Variants in CEP85L observed in about 807,000 individuals in gnomAD.
CEP85L encodes the protein centrosomal protein 85L, also known as centrosomal protein of 85 kDa-like.
A neutral mutation model predicts 100.3 loss-of-function variants in CEP85L; 60 were observed. The observed-to-expected ratio is 0.60, with a 90% confidence interval of 0.49 to 0.74. The LOEUF (loss-of-function observed/expected upper bound fraction) is 0.74. CEP85L is among the 30% of genes least tolerant of loss of function. CEP85L has a pLI of 0.00. For synonymous variants in CEP85L, 319 were observed against 322.7 expected (o/e 0.99, Z 0.12); for missense variants, 973 against 936.2 (o/e 1.04, Z -0.51).
In CEP85L at chr6:118,569,307, A is replaced by T. The variant is rs577899294; in HGVS notation, c.233-2991T>A. ...CAGTAAGCAGAGATTGTGCCACTGT[A>T]CTCCAGCCTGGGTGACAAGGCTAGA... On this transcript the variant is annotated intron_variant, in intron 2 of 12. Transcript: ENST00000368491. Among the ~76,000 whole-genome samples the T allele has an allele frequency of 5.1e-4, 66 of 128,406 alleles. 2 individuals are homozygous for T. The South Asian group carries it at 0.016, about 32-fold the overall frequency. 84.2% of individuals were successfully genotyped at this position (128,406 alleles called of 152,430 possible).
intron 5 of CEP85L, among the ~76,000 whole-genome samples, chr6:118,504,678 A>G (rs1775530158): frequency 6.6e-6 from 1 of 152,158 alleles, no homozygotes; most frequent in African/African-American, 2.4e-5. Flanking sequence ...AGTTATGTGA[A>G]CTCTGATTTA....
intron 1 of CEP85L, among the ~76,000 whole-genome samples, chr6:118,704,622 C>T (rs907050290): frequency 5.3e-5 from 8 of 152,164 alleles, no homozygotes; most frequent in African/African-American, 1.9e-4. Context: ...AGGCACCCGC[C>T]ACCATGCCCG....
At chr6:118,594,991 A>C (rs1293222888) in intron 2 of CEP85L, among the ~76,000 whole-genome samples, 1 of 151,994 alleles carries the variant, frequency 6.6e-6, no homozygotes. Flanking sequence ...GAAGGTTACG[A>C]GCCAAGCCTA....
chr6:118,653,749 A>ATGTGTG (rs61103713), upstream of CEP85L, among the ~76,000 whole-genome samples: 1,791 of 148,252 alleles, frequency 0.012, 48 homozygotes, highest in African/African-American at 0.04. Flanking sequence ...GACTCTGTGT[A>ATGTGTG]TGTGTGTGTG....
At chr6:118,708,203 C>T (rs1300752324) in intron 1 of CEP85L, among the ~76,000 whole-genome samples, 3 of 152,178 alleles carry the variant, frequency 2.0e-5, no homozygotes, top group South Asian at 2.1e-4. Flanking sequence ...AGGCACAGGC[C>T]CTGCCCTTAA....
At chr6:118,653,904 T>C (rs1335877906), upstream of CEP85L, among the ~76,000 whole-genome samples, 1 of 152,190 alleles carries the variant, frequency 6.6e-6, no homozygotes, top group Non-Finnish European at 1.5e-5. Context: ...CAAACTATAT[T>C]AAACTATTTG....
chr6:118,480,345 C>T (rs377744856), intron 9 of CEP85L, 51 bp downstream of exon 9: 16 of 941,076 alleles, frequency 1.7e-5, no homozygotes, highest in Non-Finnish European at 2.5e-5. Context: ...TCTATACACA[C>T]ATATCCACAT....
chr6:118,575,602 G>T (rs1348027131), intron 2 of CEP85L, among the ~76,000 whole-genome samples: 1 of 152,132 alleles, frequency 6.6e-6, no homozygotes, highest in Non-Finnish European at 1.5e-5. Context: ...AAAAAATTAG[G>T]AGCTGAAGAA....
At chr6:118,467,171 A>G (rs1360467811) in intron 12 of CEP85L, among the ~76,000 whole-genome samples, 2 of 152,176 alleles carry the variant, frequency 1.3e-5, no homozygotes, top group Non-Finnish European at 2.9e-5. Context: ...TATACATGGG[A>G]ATATAATCTG....
At chr6:118,511,880 C>A (rs1489017274) in intron 4 of CEP85L, among the ~76,000 whole-genome samples, 1 of 151,722 alleles carries the variant, frequency 6.6e-6, no homozygotes, top group Non-Finnish European at 1.5e-5. Flanking sequence ...TTAAGAAAAT[C>A]CACATATAAA....
intron 1 of CEP85L, among the ~76,000 whole-genome samples, chr6:118,685,296 T>C (rs2638529): frequency 0.45 from 68,937 of 152,000 alleles, 16,277 homozygotes; most frequent in African/African-American, 0.57. Context: ...TACCTTGTTT[T>C]AAAGTTAAGT....
chr6:118,474,609 GCCAGAACTC>G (rs1773209839), intron 10 of CEP85L, among the ~76,000 whole-genome samples: 1 of 152,308 alleles, frequency 6.6e-6, no homozygotes, highest in South Asian at 2.1e-4. Flanking sequence ...TAGGGCTGCT[GCCAGAACTC>G]CCTCCAGTGA....
Position 118,671,932 on chromosome 6 carries a change from A to G in CEP85L, c.-27-19124T>C, listed in dbSNP as rs546924481. Among the ~76,000 whole-genome samples the G allele has an allele frequency of 8.4e-4, 128 of 152,288 alleles. 1 individual carries two copies. The Middle Eastern group carries it at 0.01, about 12-fold the overall frequency. On this transcript the variant is annotated intron_variant, in intron 1 of 13. Coordinates refer to the CEP85L transcript ENST00000368488. ...AGCCTGGGCGAAAGAGCGAGACTCT[A>G]TCCCCCAAAAATAAATAAAAGGACA...
intron 8 of CEP85L, among the ~76,000 whole-genome samples, chr6:118,481,240 T>C (rs573314555): frequency 1.4e-5 from 2 of 144,302 alleles, no homozygotes; most frequent in South Asian, 2.2e-4. Context: ...GAATTTTTAC[T>C]TTTTTTTTTT....
At chr6:118,605,709 T>C (rs1772150350) in intron 2 of CEP85L, among the ~76,000 whole-genome samples, 1 of 149,552 alleles carries the variant, frequency 6.7e-6, no homozygotes, top group African/African-American at 2.5e-5. Flanking sequence ...GCCTCTCATG[T>C]GTGCATTAAG....
intron 2 of CEP85L, among the ~76,000 whole-genome samples, chr6:118,575,452 A>T (rs940359119): frequency 2.6e-5 from 4 of 152,190 alleles, no homozygotes; most frequent in Non-Finnish European, 5.9e-5. Context: ...GAAATAAACT[A>T]TGCCCTGTGT....
intron 3 of CEP85L, among the ~76,000 whole-genome samples, chr6:118,537,336 A>G (rs112062882): frequency 1.0e-3 from 153 of 152,254 alleles, no homozygotes; most frequent in African/African-American, 3.6e-3. Context: ...TAAAGGTGAA[A>G]CAGAGACATT....
chr6:118,490,845 T>C (rs1412878782), intron 6 of CEP85L, among the ~76,000 whole-genome samples: 1 of 152,156 alleles, frequency 6.6e-6, no homozygotes, highest in East Asian at 1.9e-4. Context: ...ATTTCATTAA[T>C]ATGAAGTCCA....
intron 1 of CEP85L, among the ~76,000 whole-genome samples, chr6:118,660,022 A>G (rs2115404522): frequency 6.6e-6 from 1 of 152,348 alleles, no homozygotes; most frequent in Admixed American, 6.5e-5. Context: ...GATGGCTTAA[A>G]ATGTCTTAGA....
Sources: allele counts gnomAD v4.1 joint callset (sites outside exome capture counted in the v4.1 genomes callset), GRCh38; gene constraint gnomAD v4.1.1; transcripts MANE v1.5; gene names NCBI Gene and HGNC (gene_info 2026-07-23, HGNC 2026-07-21).